PRICKLE2: variants seen among roughly 807,000 people sequenced by gnomAD.
The protein encoded by PRICKLE2 is prickle-like protein 2.
A neutral mutation model predicts 81.4 loss-of-function variants in PRICKLE2; 21 were observed. That is an observed-to-expected ratio of 0.26 (90% CI 0.18 to 0.37). PRICKLE2 has a LOEUF of 0.37. Among genes scored for constraint, PRICKLE2 ranks in the 10% least tolerant of loss-of-function variants. The probability of loss-of-function intolerance (pLI) is 1.00; values close to 1 mark genes in which losing one functional copy is unlikely to be tolerated. For synonymous variants in PRICKLE2, 456 were observed against 421.5 expected (o/e 1.08, Z -1.00); for missense variants, 940 against 1,109.0 (o/e 0.85, Z 2.16).
chr3:64,204,745 C>A (rs1165086336), intron 1 of PRICKLE2, among the ~76,000 whole-genome samples: 1 of 152,164 alleles, frequency 6.6e-6, no homozygotes, highest in East Asian at 1.9e-4. Context: ...CTGGCACTCC[C>A]GTGGCAAGAC....
intron 7 of PRICKLE2, among the ~76,000 whole-genome samples, chr3:64,138,837 A>G (rs1398963361): frequency 6.6e-6 from 1 of 152,236 alleles, no homozygotes; most frequent in African/African-American, 2.4e-5. Flanking sequence ...CACACAATAC[A>G]TAAGCACATC....
At chr3:64,183,117 GA>G (rs147134751) in intron 2 of PRICKLE2, among the ~76,000 whole-genome samples, 4,150 of 152,110 alleles carry the variant, frequency 0.027, 178 homozygotes, top group African/African-American at 0.094. Context: ...TAAAAGAATG[GA>G]AAAGCATAGT....
chr3:64,214,615 A>C (rs1156312948), intron 1 of PRICKLE2, among the ~76,000 whole-genome samples: 2 of 152,196 alleles, frequency 1.3e-5, no homozygotes, highest in African/African-American at 4.8e-5. Flanking sequence ...AGGAAGGAGG[A>C]AAGTACACAG....
rs2077576825 is a variant in PRICKLE2, at chr3:64,153,387, A to C, written c.601-19T>G. On this transcript the variant is annotated intron_variant, in intron 5 of 7. Transcript: ENST00000638394. Reference sequence around the variant, plus strand: ...AGATGATCTGGAGATGGGGAAGCCAAATGGTCAGTGTGTAAAACCCATCCA... The same window carrying C: ...AGATGATCTGGAGATGGGGAAGCCACATGGTCAGTGTGTAAAACCCATCCA... 6.2e-7 allele frequency: 1 copy of C among 1,613,340 alleles called. No homozygotes were observed.
intron 2 of PRICKLE2, among the ~76,000 whole-genome samples, chr3:64,189,073 C>A (rs1559565674): frequency 6.6e-6 from 1 of 152,194 alleles, no homozygotes; most frequent in Non-Finnish European, 1.5e-5. Flanking sequence ...AAAGTACTTG[C>A]CATATAGTTG....
At chr3:64,135,271 AAATG>A (rs1487801594) in intron 7 of PRICKLE2, among the ~76,000 whole-genome samples, 1 of 152,200 alleles carries the variant, frequency 6.6e-6, no homozygotes, top group Non-Finnish European at 1.5e-5. Context: ...GTAAGAAGCA[AAATG>A]AATGAGTATT....
At chr3:64,133,275 T>C (rs1295065829) in intron 7 of PRICKLE2, among the ~76,000 whole-genome samples, 1 of 152,106 alleles carries the variant, frequency 6.6e-6, no homozygotes, top group Non-Finnish European at 1.5e-5. Flanking sequence ...GTACGGCTCA[T>C]GGTTCACTCA....
At chr3:64,214,626 A>G (rs2078843639) in intron 1 of PRICKLE2, among the ~76,000 whole-genome samples, 1 of 152,224 alleles carries the variant, frequency 6.6e-6, no homozygotes, top group Admixed American at 6.5e-5. Flanking sequence ...AAGTACACAG[A>G]AAGAAAATAT....
intron 2 of PRICKLE2, among the ~76,000 whole-genome samples, chr3:64,239,768 C>T (rs1466403425): frequency 2.6e-5 from 4 of 151,786 alleles, no homozygotes; most frequent in Admixed American, 2.0e-4. Flanking sequence ...TGTAAGCATC[C>T]GTCTAATTTC....
chr3:64,136,595 G>A (rs1437093078), intron 7 of PRICKLE2, among the ~76,000 whole-genome samples: 2 of 151,934 alleles, frequency 1.3e-5, no homozygotes, highest in Non-Finnish European at 2.9e-5. Context: ...TTTTAGTCAT[G>A]TTAGTTTTCC....
intron 7 of PRICKLE2, among the ~76,000 whole-genome samples, chr3:64,112,615 GGACA>G (rs944545508): frequency 1.1e-4 from 17 of 152,168 alleles, no homozygotes; most frequent in Non-Finnish European, 2.1e-4. Flanking sequence ...TGTAGTTACA[GGACA>G]GACAAAGTTT....
chr3:64,210,524 C>G (rs974411349), intron 1 of PRICKLE2, among the ~76,000 whole-genome samples: 3 of 152,166 alleles, frequency 2.0e-5, no homozygotes, highest in African/African-American at 7.2e-5. Context: ...CAACTCCCTC[C>G]CTTCCGGCTG....
chr3:64,157,339 G>A lies in PRICKLE2; in HGVS notation c.423C>T (p.Asp141=), dbSNP rs762381874. ...EQCGGQINGG[D]IAVFASRAGH... is the part of the protein sequence containing the mutation. The stretch of plus-strand genomic sequence containing the variant: ...CAGCGCGTGACGCAAACACAGCGAT[G>A]TCTCCACCATTGATCTGGCCTCCGC... The change falls in exon 5 of 8, where the codon GAC becomes GAT. Residue 141 remains aspartate, a synonymous_variant. Transcript: ENST00000638394. 4.6e-5 allele frequency: 74 copies of A among 1,613,394 alleles called. No individual in the cohort carries two copies. Among genetic ancestry groups the A allele is most frequent in the Non-Finnish European group, 6.2e-5 (73 of 1,180,028 alleles).
At chr3:64,164,005 C>A (rs1034787296) in intron 2 of PRICKLE2, 1 of 150,824 alleles carries the variant, frequency 6.6e-6, no homozygotes, top group African/African-American at 2.4e-5. Flanking sequence ...TCTTATTTAA[C>A]GACATGAGCA....
chr3:64,188,541 T>C (rs1318904443), intron 2 of PRICKLE2, among the ~76,000 whole-genome samples: 6 of 152,224 alleles, frequency 3.9e-5, no homozygotes, highest in African/African-American at 1.4e-4. Context: ...GCTACTGGTA[T>C]GGGAACCTCG....
chr3:64,209,066 CA>C (rs1454736638), intron 1 of PRICKLE2, among the ~76,000 whole-genome samples: 2 of 152,108 alleles, frequency 1.3e-5, no homozygotes, highest in Non-Finnish European at 2.9e-5. Context: ...TCTATCCATT[CA>C]TTCATATCCT....
In PRICKLE2 at chr3:64,147,167, C is replaced by T. The variant is rs546622086; in HGVS notation, c.1323G>A (p.Met441Ile). 95 of 1,614,114 alleles carry T rather than the reference C, an allele frequency of 5.9e-5. No homozygotes were observed. The South Asian group carries it at 9.8e-4, about 17-fold the overall frequency. The change falls in exon 7 of 8, where the codon ATG (methionine) becomes ATA (isoleucine). Residue 441 changes from methionine (M) to isoleucine (I), a missense_variant. Met to Ile is a conservative substitution (Grantham distance 10). Coordinates refer to ENST00000638394, the MANE Select transcript of PRICKLE2 (RefSeq NM_198859.4). This position sits in a 1 kb window ranked among gnomAD's most constrained non-coding sequence, Gnocchi z 5.0. ...TGGGGTTGCTGAAGTGCTTGCCCCA[C>T]ATTTCGGGCTGGGCCCCAGCCCCTT... Reference protein sequence around the residue: ...GGQGAGAQPEMWGKHFSNPKR... With the variant: ...GGQGAGAQPEIWGKHFSNPKR...
At chr3:64,242,647 T>C (rs537792336) in intron 2 of PRICKLE2, among the ~76,000 whole-genome samples, 1 of 152,338 alleles carries the variant, frequency 6.6e-6, no homozygotes, top group Non-Finnish European at 1.5e-5. Flanking sequence ...TCCCAGATTC[T>C]TTGGCTTCTA....
chr3:64,128,917 T>A (rs1045327560), intron 7 of PRICKLE2, among the ~76,000 whole-genome samples: 16 of 146,320 alleles, frequency 1.1e-4, no homozygotes, highest in African/African-American at 3.7e-4. Context: ...AGGGATTTTT[T>A]ATTTTTTTTT....
Sources: gnomAD v4.1 joint callset for allele counts (sites outside exome capture counted in the v4.1 genomes callset) on GRCh38, gnomAD v4.1.1 for gene constraint, Gnocchi (gnomAD v3.1) non-coding constraint, MANE v1.5 for transcripts, NCBI Gene and HGNC (gene_info 2026-07-23, HGNC 2026-07-21) for gene names.